USP47: variants seen among roughly 807,000 people sequenced by gnomAD.
USP47 encodes ubiquitin specific peptidase 47, also known as ubiquitin carboxyl-terminal hydrolase 47.
In USP47, 35 loss-of-function variants were observed where a neutral mutation model predicts 165.1. The observed-to-expected ratio is 0.21, with a 90% CI of 0.16 to 0.28. The LOEUF is 0.28. Ranked by LOEUF, USP47 falls within the 10% of genes least tolerant of loss-of-function variation. The pLI is 1.00. For synonymous variants in USP47, 531 were observed against 544.5 expected, an observed-to-expected ratio of 0.98 and a Z score of 0.35; for missense variants, 1,277 against 1,607.4, an observed-to-expected ratio of 0.79 and a Z score of 3.52.
intron 12 of USP47, 85 bp from the exon 13 acceptor site, chr11:11,929,959 C>T (rs1285908851): frequency 8.9e-7 from 1 of 1,121,426 alleles, no homozygotes; most frequent in Non-Finnish European, 1.3e-6. Context: ...GCATTTAACT[C>T]TGAGGCTAAA....
rs1252441895 is a variant in USP47, at chr11:11,928,933, A to T, written c.1387-501A>T. On this transcript the variant is annotated intron_variant, in intron 11 of 27. Coordinates refer to ENST00000527733, the MANE Select transcript of USP47 (RefSeq NM_001282659.2). ...GTAGATATAGTATAATTCAGGATTC[A>T]TTCTTAATATGAGAGAACAAATCAG... Among the ~76,000 whole-genome samples, 6 of 152,056 alleles carry T rather than the reference A, an allele frequency of 3.9e-5. No individual in the cohort carries two copies. The East Asian group carries it at 1.2e-3, about 29-fold the overall frequency.
intron 1 of USP47, among the ~76,000 whole-genome samples, chr11:11,861,149 T>C (rs1040918734): frequency 6.6e-6 from 1 of 152,062 alleles, no homozygotes; most frequent in Non-Finnish European, 1.5e-5. Flanking sequence ...AGCTGGAGTA[T>C]AGTGACACGA....
At chr11:11,939,618 C>T (rs996643471) in intron 18 of USP47, among the ~76,000 whole-genome samples, 3 of 151,834 alleles carry the variant, frequency 2.0e-5, no homozygotes, top group Non-Finnish European at 4.4e-5. Flanking sequence ...CTGTATATTA[C>T]ATTTTTAAAA....
rs1847423536 is a variant in USP47, at chr11:11,960,892, C to CA, written c.*4718dup. On this transcript the variant is annotated 3_prime_UTR_variant, in exon 28 of 28. Coordinates refer to ENST00000527733, the MANE Select transcript of USP47 (RefSeq NM_001282659.2). ...CTTCCTGTCTTTGTCCCTCACACTA[C>CA]AGCAGGCCCCTCCCTTCCCTCTTCA... 6.6e-6 allele frequency among the ~76,000 whole-genome samples: 1 copy of CA among 152,166 alleles called. No individual in the cohort carries two copies. The highest frequency in any genetic ancestry group is 1.5e-5 in the Non-Finnish European group (1 of 68,028).
In USP47 at chr11:11,943,041, G is replaced by A. The variant is rs945591789; in HGVS notation, c.3020G>A (p.Gly1007Glu). 5 of 1,613,482 alleles carry A rather than the reference G, an allele frequency of 3.1e-6. No homozygotes were observed. The highest frequency in any genetic ancestry group is 4.2e-6 in the Non-Finnish European group (5 of 1,179,590). Reference sequence around the variant, plus strand: ...TATGATGAGAGTGGCAAGAGTAGGGGAGAAATGCAGTACATGTATTTCAAA... The same window carrying A: ...TATGATGAGAGTGGCAAGAGTAGGGAAGAAATGCAGTACATGTATTTCAAA... Reference protein sequence around the residue: ...SEYDESGKSRGEMQYMYFKAE... With the variant: ...SEYDESGKSREEMQYMYFKAE... Residue 1007 changes from glycine (G) to glutamate (E), a missense_variant, in exon 20 of 28, where the codon GGA becomes GAA. Transcript: ENST00000527733.
At chr11:11,893,790 C>T (rs1657755393) in intron 4 of USP47, among the ~76,000 whole-genome samples, 1 of 152,192 alleles carries the variant, frequency 6.6e-6, no homozygotes, top group African/African-American at 2.4e-5. Flanking sequence ...CTGACTCAGC[C>T]TCCCAAGTAG....
chr11:11,865,052 T>C (rs935296254), intron 1 of USP47, among the ~76,000 whole-genome samples: 1 of 152,180 alleles, frequency 6.6e-6, no homozygotes, highest in Non-Finnish European at 1.5e-5. Context: ...TTAAGATGGG[T>C]TTTCCCCTAA....
chr11:11,918,501 T>C (rs1853590198), intron 8 of USP47, among the ~76,000 whole-genome samples: 1 of 152,088 alleles, frequency 6.6e-6, no homozygotes, highest in South Asian at 2.1e-4. Context: ...TCTTTATTCT[T>C]AAAAAGTCAT....
At position 11,954,882 on chromosome 11, in the gene USP47, T is replaced by G; in HGVS notation, c.3715-15T>G. 6.2e-7 allele frequency: 1 copy of G among 1,609,728 alleles called. No individual in the cohort carries two copies. The highest frequency in any genetic ancestry group is 8.5e-7 in the Non-Finnish European group (1 of 1,178,606). ...ATTTTTTAAATGAACTCAAATAAAA[T>G]GTTTTATTTTACAGCTTAGTGAAAT... On this transcript the variant is annotated splice_polypyrimidine_tract_variant and intron_variant, in intron 25 of 27. Transcript: ENST00000527733.
Position 11,919,001 on chromosome 11 carries a change from A to T in USP47, c.970-1155A>T, listed in dbSNP as rs553090302. On this transcript the variant is annotated intron_variant, in intron 8 of 27. Coordinates refer to ENST00000527733, the MANE Select transcript of USP47 (RefSeq NM_001282659.2). Reference sequence around the variant, plus strand: ...TTTTTTCTAAATGTGTCATTTGACCACCAATAAAATGCATGGTCATGTGGA... The same window carrying T: ...TTTTTTCTAAATGTGTCATTTGACCTCCAATAAAATGCATGGTCATGTGGA... 3.3e-5 allele frequency among the ~76,000 whole-genome samples: 5 copies of T among 151,548 alleles called. No individual in the cohort carries two copies. The East Asian group carries it at 9.7e-4, about 29-fold the overall frequency.
At chr11:11,923,511 C>T (rs1854015839) in intron 11 of USP47, among the ~76,000 whole-genome samples, 1 of 151,934 alleles carries the variant, frequency 6.6e-6, no homozygotes, top group African/African-American at 2.4e-5. Flanking sequence ...AGGATCTTGC[C>T]CCTGTGTCAA....
chr11:11,850,811 C>T (rs1206855477), intron 1 of USP47, among the ~76,000 whole-genome samples: 1 of 152,138 alleles, frequency 6.6e-6, no homozygotes, highest in African/African-American at 2.4e-5. Context: ...CTGGGAAGTC[C>T]AAGATAAAGG....
chr11:11,921,419 A>G (rs745938623), intron 10 of USP47, among the ~76,000 whole-genome samples: 14 of 151,854 alleles, frequency 9.2e-5, no homozygotes, highest in African/African-American at 3.4e-4. Context: ...TGTGGATTCA[A>G]ATTCTTGTCC....
At chr11:11,891,603 C>T (rs1851517763) in intron 3 of USP47, among the ~76,000 whole-genome samples, 1 of 152,186 alleles carries the variant, frequency 6.6e-6, no homozygotes, top group Admixed American at 6.5e-5. Context: ...TAATCCTTTT[C>T]AGCATCTTCC....
chr11:11,888,715 A>G (rs1200132619), intron 3 of USP47, among the ~76,000 whole-genome samples: 3 of 152,234 alleles, frequency 2.0e-5, no homozygotes, highest in African/African-American at 4.8e-5. Flanking sequence ...GGCCAGCCTC[A>G]TCCTCATACC....
At chr11:11,853,906 C>T (rs1240586311) in intron 1 of USP47, among the ~76,000 whole-genome samples, 1 of 151,972 alleles carries the variant, frequency 6.6e-6, no homozygotes, top group Non-Finnish European at 1.5e-5. Flanking sequence ...ATGGGTGGAT[C>T]ACGAGGTCAG....
At chr11:11,900,154 CTTTTTTTTTTTTT>C (rs1042565841) in intron 5 of USP47, among the ~76,000 whole-genome samples, 9 of 99,078 alleles carry the variant, frequency 9.1e-5, no homozygotes, top group South Asian at 3.3e-4. Flanking sequence ...ATTTTCTTCA[CTTTTTTTTTTTTT>C]TTTTTTTTTT....
At chr11:11,875,064 T>C (rs1850315315) in intron 1 of USP47, among the ~76,000 whole-genome samples, 1 of 151,496 alleles carries the variant, frequency 6.6e-6, no homozygotes, top group Non-Finnish European at 1.5e-5. Flanking sequence ...TGTGTGTGTG[T>C]GTGTGTGTGT....
At chr11:11,873,941 G>T (rs1456261788) in intron 1 of USP47, 1 of 792,014 alleles carries the variant, frequency 1.3e-6, no homozygotes, top group Non-Finnish European at 1.8e-6. Context: ...TAATATCAAG[G>T]CATGTCTTAA....
Sources: gnomAD v4.1 joint callset for allele counts (sites outside exome capture counted in the v4.1 genomes callset) on GRCh38, gnomAD v4.1.1 for gene constraint, MANE v1.5 for transcripts, NCBI Gene and HGNC (gene_info 2026-07-23, HGNC 2026-07-21) for gene names.